Variants in INSR observed in about 807,000 individuals in gnomAD.
The protein encoded by INSR is IR.
INSR carries 67 observed loss-of-function variants against 142.6 expected under a neutral mutation model. The observed-to-expected ratio is 0.47, with a 90% CI of 0.39 to 0.58. The LOEUF is 0.58. Ranked by LOEUF, INSR falls within the 20% of genes least tolerant of loss-of-function variation. The probability of loss-of-function intolerance (pLI) is 0.00; values close to 1 mark genes in which losing one functional copy is unlikely to be tolerated. For missense variants in INSR, 1,248 were observed against 1,833.2 expected, an observed-to-expected ratio of 0.68 and a Z score of 5.83; for synonymous variants, 756 against 743.1, an observed-to-expected ratio of 1.02 and a Z score of -0.28.
chr19:7,217,979 C>G (rs1400154147), intron 2 of INSR, among the ~76,000 whole-genome samples: 1 of 152,146 alleles, frequency 6.6e-6, no homozygotes, highest in African/African-American at 2.4e-5. Context: ...AATGTGGCAC[C>G]CAAGAATCTG....
Position 7,119,671 on chromosome 19 carries a change from CACACACACGCAA to C in INSR, c.3660-100_3660-89del, listed in dbSNP as rs1972431464. 6.9e-7 allele frequency: 1 copy of C among 1,439,224 alleles called. No homozygotes were observed. The highest frequency in any genetic ancestry group is 9.7e-7 in the Non-Finnish European group (1 of 1,035,554). 89.2% of individuals were successfully genotyped at this position (1,439,224 alleles called of 1,614,324 possible). A position where few individuals can be genotyped will look rare whatever the true frequency, so the allele number is the denominator to read the frequency against. On this transcript the variant is annotated intron_variant, in intron 20 of 21. Coordinates refer to ENST00000302850, the MANE Select transcript of INSR (RefSeq NM_000208.4). The surrounding 1 kb of genome is among the most constrained non-coding windows in gnomAD (Gnocchi z 5.2). ...GCGCAAACACACACACGCAAACGCA[CACACACACGCAA>C]ACACACATGCCAACACATACATGCA...
rs1270420224 is a variant in INSR, at chr19:7,125,094, G to A, written c.3258+189C>T. The stretch of plus-strand genomic sequence containing the variant: ...ACAGTGATAGAGTCTGGTTCCAGGC[G>A]AAGTGGGAGAGGATGGGATTTGAGA... On this transcript the variant is annotated intron_variant, in intron 17 of 21. Transcript: ENST00000302850. This position sits in a 1 kb window ranked among gnomAD's most constrained non-coding sequence, Gnocchi z 4.9. Among the ~76,000 whole-genome samples, 5 of 152,086 alleles carry A rather than the reference G, an allele frequency of 3.3e-5. No individual in the cohort carries two copies. The highest frequency in any genetic ancestry group is 6.6e-5 in the Admixed American group (1 of 15,264).
intron 9 of INSR, among the ~76,000 whole-genome samples, chr19:7,153,534 G>C (rs991481861): frequency 8.6e-6 from 1 of 116,318 alleles, no homozygotes; most frequent in Non-Finnish European, 2.0e-5. Context: ...AGGCTGAGCT[G>C]AGACAGAGCC....
chr19:7,131,069 G>A (rs1972769180), intron 14 of INSR, among the ~76,000 whole-genome samples: 1 of 151,020 alleles, frequency 6.6e-6, no homozygotes, highest in South Asian at 2.1e-4. Context: ...GGGTAGAGAT[G>A]GGGTTTCACC....
intron 3 of INSR, 112 bp from the exon 4 acceptor site, chr19:7,174,843 G>C (rs1298672565): frequency 2.9e-6 from 3 of 1,052,514 alleles, no homozygotes; most frequent in Non-Finnish European, 4.1e-6. Context: ...ATTTCTTTGT[G>C]TGTGTGTGTG....
intron 9 of INSR, among the ~76,000 whole-genome samples, chr19:7,154,300 CTTT>C (rs762914829): frequency 5.5e-4 from 59 of 107,294 alleles, no homozygotes; most frequent in East Asian, 2.7e-3. Flanking sequence ...ACCACAATTA[CTTT>C]TTTTTTTTTT....
At chr19:7,123,099 G>T in intron 17 of INSR, 110 bp from the exon 18 acceptor site, 1 of 805,976 alleles carries the variant, frequency 1.2e-6, no homozygotes, top group Non-Finnish European at 2.1e-6. Context: ...TGGCCTGGAT[G>T]CAGCGTGCTC....
chr19:7,265,713 C>G (rs1470511988), intron 2 of INSR, among the ~76,000 whole-genome samples: 1 of 134,560 alleles, frequency 7.4e-6, no homozygotes, highest in Non-Finnish European at 1.6e-5. Context: ...CCAGTCTTAA[C>G]AACAAGAGTG....
intron 2 of INSR, among the ~76,000 whole-genome samples, chr19:7,214,399 A>T (rs1345263263): frequency 6.6e-6 from 1 of 152,226 alleles, no homozygotes; most frequent in Non-Finnish European, 1.5e-5. Context: ...CCGACTGCCT[A>T]ACTGGAGGGA....
At chr19:7,174,803 C>G in intron 3 of INSR, 72 bp from the exon 4 acceptor site, 1 of 1,428,240 alleles carries the variant, frequency 7.0e-7, no homozygotes, top group Non-Finnish European at 9.7e-7. Flanking sequence ...GTCCTTCAGA[C>G]ATCTCAGGCA....
At chr19:7,151,212 T>C (rs535074215) in intron 10 of INSR, among the ~76,000 whole-genome samples, 23 of 131,436 alleles carry the variant, frequency 1.7e-4, no homozygotes, top group African/African-American at 6.0e-4. Context: ...TTCTTTCTTT[T>C]TCTTTCTCTC....
chr19:7,233,902 T>A (rs973385159), intron 2 of INSR, among the ~76,000 whole-genome samples: 1 of 151,742 alleles, frequency 6.6e-6, no homozygotes, highest in African/African-American at 2.4e-5. Flanking sequence ...GGTCTCGATC[T>A]CCTGATCTCG....
At chr19:7,133,169 G>C (rs1011600959) in intron 13 of INSR, among the ~76,000 whole-genome samples, 1 of 152,128 alleles carries the variant, frequency 6.6e-6, no homozygotes, top group African/African-American at 2.4e-5. Flanking sequence ...GGCTAAGGCG[G>C]AAGAATCACT....
chr19:7,178,661 G>A (rs1323463239), intron 3 of INSR, among the ~76,000 whole-genome samples: 3 of 152,192 alleles, frequency 2.0e-5, no homozygotes, highest in Non-Finnish European at 4.4e-5. Context: ...GGAGGTTGCA[G>A]TGAGCTGAGA....
At position 7,166,452 on chromosome 19, in the gene INSR, C is replaced by T. The variant is rs1973892227; in HGVS notation, c.1611-48G>A. 1.2e-6 allele frequency: 2 copies of T among 1,604,420 alleles called. No individual in the cohort carries two copies. The highest frequency in any genetic ancestry group is 1.7e-6 in the Non-Finnish European group (2 of 1,176,316). On this transcript the variant is annotated intron_variant, in intron 7 of 21. Coordinates refer to ENST00000302850, the MANE Select transcript of INSR (RefSeq NM_000208.4). The surrounding 1 kb of genome is among the most constrained non-coding windows in gnomAD (Gnocchi z 4.1). ...GGCAGTTACCCTTACAAGACCGTCA[C>T]ACTGAGTGCCGTGCAGATGAGGCCT...
chr19:7,123,578 C>T (rs2144807625), intron 17 of INSR, among the ~76,000 whole-genome samples: 1 of 152,170 alleles, frequency 6.6e-6, no homozygotes, highest in East Asian at 1.9e-4. Context: ...GTCCAACCCT[C>T]CTTTCCTCCC....
chr19:7,286,175 G>T (rs1410199174), intron 1 of INSR, among the ~76,000 whole-genome samples: 5 of 151,492 alleles, frequency 3.3e-5, no homozygotes, highest in African/African-American at 1.2e-4. Context: ...TAGAGACGGG[G>T]TCTTGCTATG....
intron 2 of INSR, among the ~76,000 whole-genome samples, chr19:7,208,731 C>T (rs934015958): frequency 1.3e-5 from 2 of 152,108 alleles, no homozygotes; most frequent in Admixed American, 6.6e-5. Context: ...TTAGGCTGGG[C>T]GCAGTGGCTC....
chr19:7,143,920 TG>T (rs552889698), intron 11 of INSR, among the ~76,000 whole-genome samples: 164 of 152,216 alleles, frequency 1.1e-3, no homozygotes, highest in Admixed American at 3.2e-3. Context: ...CCGAGCCTGA[TG>T]GTGCACAGCT....
Sources: gnomAD v4.1 joint callset for allele counts (sites outside exome capture counted in the v4.1 genomes callset) on GRCh38, gnomAD v4.1.1 for gene constraint, Gnocchi (gnomAD v3.1) non-coding constraint, MANE v1.5 for transcripts, NCBI Gene and HGNC (gene_info 2026-07-23, HGNC 2026-07-21) for gene names.